GALNT17: variants seen among roughly 807,000 people sequenced by gnomAD.
GALNT17 encodes the protein UDP-GalNAc:polypeptide N-acetylgalactosaminyltransferase-like 3.
GALNT17 carries 29 observed loss-of-function variants against 63.7 expected under a neutral mutation model. The observed-to-expected ratio is 0.46, with a 90% confidence interval of 0.34 to 0.62. GALNT17 has a LOEUF of 0.62. Among genes scored for constraint, GALNT17 ranks in the 20% least tolerant of loss-of-function variants. The probability of loss-of-function intolerance (pLI) is 0.01; values close to 1 mark genes in which losing one functional copy is unlikely to be tolerated. For synonymous variants in GALNT17, 305 were observed against 318.3 expected, an observed-to-expected ratio of 0.96 and a Z score of 0.45; for missense variants, 603 against 799.6, an observed-to-expected ratio of 0.75 and a Z score of 2.97.
rs1026714233 is a variant in GALNT17, at chr7:71,207,107, A to G, written c.238+74067A>G. 4.6e-5 allele frequency among the ~76,000 whole-genome samples: 7 copies of G among 152,120 alleles called. No individual in the cohort carries two copies. The East Asian group carries it at 1.4e-3, about 30-fold the overall frequency. ...GGCGACAGAGCGAGACTCTGTCTCA[A>G]AGAAAAAAAAAAAAGACCGATCAGT... On this transcript the variant is annotated intron_variant, in intron 1 of 10. Coordinates refer to ENST00000333538, the MANE Select transcript of GALNT17 (RefSeq NM_022479.3).
chr7:71,135,573 C>A (rs1368187309), intron 1 of GALNT17, among the ~76,000 whole-genome samples: 5 of 152,190 alleles, frequency 3.3e-5, no homozygotes, highest in African/African-American at 7.2e-5. Flanking sequence ...GTGTCTTGAT[C>A]TTCAGCATGT....
At chr7:71,582,647 T>C (rs1485394090) in intron 6 of GALNT17, among the ~76,000 whole-genome samples, 1 of 152,088 alleles carries the variant, frequency 6.6e-6, no homozygotes, top group Non-Finnish European at 1.5e-5. Context: ...TAAAAAGGAA[T>C]GAATTAATGG....
intron 1 of GALNT17, among the ~76,000 whole-genome samples, chr7:71,143,229 C>T (rs1787949582): frequency 6.6e-6 from 1 of 151,806 alleles, no homozygotes. Context: ...CAAGACCAGC[C>T]TGGCCAACAC....
chr7:71,567,654 G>T (rs6951036), intron 5 of GALNT17, among the ~76,000 whole-genome samples: 1 of 152,062 alleles, frequency 6.6e-6, no homozygotes, highest in Non-Finnish European at 1.5e-5. Flanking sequence ...TAGTAGAGAC[G>T]GGGTGTCACC....
intron 5 of GALNT17, among the ~76,000 whole-genome samples, chr7:71,521,431 C>T (rs1788528490): frequency 1.3e-5 from 2 of 152,190 alleles, no homozygotes; most frequent in Non-Finnish European, 1.5e-5. Flanking sequence ...CTGTCCTGGA[C>T]TACAAAAGAT....
intron 1 of GALNT17, among the ~76,000 whole-genome samples, chr7:71,280,622 A>G (rs1790763655): frequency 6.6e-6 from 1 of 152,206 alleles, no homozygotes; most frequent in Non-Finnish European, 1.5e-5. Flanking sequence ...GGCTTTAGAT[A>G]AGGCCACACT....
At chr7:71,427,315 C>G (rs1016411) in intron 5 of GALNT17, among the ~76,000 whole-genome samples, 92,453 of 151,494 alleles carry the variant, frequency 0.61, 29,539 homozygotes, top group Admixed American at 0.72. Flanking sequence ...CCAGGTTGGT[C>G]TCAATCTCCT....
chr7:71,638,876 G>T (rs1790565218), intron 6 of GALNT17, among the ~76,000 whole-genome samples: 1 of 152,108 alleles, frequency 6.6e-6, no homozygotes, highest in Admixed American at 6.6e-5. Context: ...TGGGATCTAA[G>T]AATTAAAACA....
chr7:71,432,612 A>G (rs1281574260), intron 5 of GALNT17, among the ~76,000 whole-genome samples: 2 of 152,144 alleles, frequency 1.3e-5, no homozygotes, highest in Non-Finnish European at 2.9e-5. Flanking sequence ...TTTACTACAT[A>G]ATGAAGATGA....
At chr7:71,321,930 T>TTC (rs1563001283) in intron 1 of GALNT17, among the ~76,000 whole-genome samples, 23 of 35,448 alleles carry the variant, frequency 6.5e-4, no homozygotes, top group Non-Finnish European at 9.5e-4. Flanking sequence ...TTCCCCTCCC[T>TTC]CCCTCCCTCC....
intron 1 of GALNT17, among the ~76,000 whole-genome samples, chr7:71,212,733 T>G (rs182911368): frequency 1.3e-5 from 2 of 152,186 alleles, no homozygotes; most frequent in East Asian, 1.9e-4. Context: ...AGGAGAGAGA[T>G]CATTTGGAGC....
chr7:71,584,386 A>T (rs1174351892), intron 6 of GALNT17, among the ~76,000 whole-genome samples: 2 of 152,218 alleles, frequency 1.3e-5, no homozygotes, highest in Non-Finnish European at 2.9e-5. Context: ...AGCATAATGA[A>T]TCCAAATGTA....
Position 71,680,835 on chromosome 7 carries a change from T to G in GALNT17, c.1500+3529T>G, listed in dbSNP as rs141668860. ...TTCCTTCCTTCCTTCCCCCCTTCCT[T>G]TCTTCCTTTCCTTTCCTTTTTTCTT... On this transcript the variant is annotated intron_variant, in intron 9 of 10. Coordinates refer to ENST00000333538, the MANE Select transcript of GALNT17 (RefSeq NM_022479.3). Among the ~76,000 whole-genome samples the G allele has an allele frequency of 7.7e-3, 1,144 of 148,628 alleles. 6 individuals are homozygous for G. Among genetic ancestry groups the G allele is most frequent in the Non-Finnish European group, 0.014 (955 of 67,084 alleles).
At chr7:71,233,742 T>C (rs1789836477) in intron 1 of GALNT17, among the ~76,000 whole-genome samples, 1 of 151,960 alleles carries the variant, frequency 6.6e-6, no homozygotes, top group African/African-American at 2.4e-5. Context: ...CCACAGCCCT[T>C]GGGAGCACAC....
At chr7:71,386,990 G>T (rs188960341) in intron 2 of GALNT17, among the ~76,000 whole-genome samples, 1 of 151,950 alleles carries the variant, frequency 6.6e-6, no homozygotes, top group South Asian at 2.1e-4. Context: ...TGAAACAAAG[G>T]GTTTGAGTGC....
chr7:71,436,466 T>TC (rs1786965059), intron 5 of GALNT17, among the ~76,000 whole-genome samples: 1 of 152,178 alleles, frequency 6.6e-6, no homozygotes, highest in African/African-American at 2.4e-5. Context: ...ACGCCTGTAA[T>TC]CCCAGCACTT....
chr7:71,338,509 TGA>T (rs965794359), intron 2 of GALNT17, among the ~76,000 whole-genome samples: 7 of 151,878 alleles, frequency 4.6e-5, no homozygotes, highest in Non-Finnish European at 1.0e-4. Context: ...AGGAAGAGAG[TGA>T]GACACTGTCT....
intron 1 of GALNT17, among the ~76,000 whole-genome samples, chr7:71,285,785 G>A (rs1790862853): frequency 6.6e-6 from 1 of 152,168 alleles, no homozygotes; most frequent in Non-Finnish European, 1.5e-5. Context: ...CAACTCCCCA[G>A]CCTCCAGAAT....
intron 2 of GALNT17, among the ~76,000 whole-genome samples, chr7:71,365,718 G>A (rs942627553): frequency 8.6e-5 from 13 of 151,810 alleles, no homozygotes; most frequent in African/African-American, 3.1e-4. Flanking sequence ...AGTTGAATAT[G>A]TTATTTATGA....
Sources: allele counts gnomAD v4.1 joint callset (sites outside exome capture counted in the v4.1 genomes callset), GRCh38; gene constraint gnomAD v4.1.1; transcripts MANE v1.5; gene names NCBI Gene and HGNC (gene_info 2026-07-23, HGNC 2026-07-21).